Variants in ANKRD44 observed in about 807,000 individuals in gnomAD.
The protein encoded by ANKRD44 is ankyrin repeat domain 44.
Under a neutral mutation model 116.0 loss-of-function variants are expected in ANKRD44, and 35 were observed. That is an observed-to-expected ratio of 0.30 (90% CI 0.23 to 0.40). The LOEUF (loss-of-function observed/expected upper bound fraction) is 0.40. ANKRD44 is among the 10% of genes least tolerant of loss of function. The pLI, the probability that ANKRD44 is intolerant of heterozygous loss-of-function variation, is 1.00. For synonymous variants in ANKRD44, 435 were observed against 461.8 expected (o/e 0.94, Z 0.74); for missense variants, 1,014 against 1,242.6 (o/e 0.82, Z 2.77).
At chr2:197,256,973 G>T (rs1224596333) in intron 1 of ANKRD44, among the ~76,000 whole-genome samples, 4 of 152,138 alleles carry the variant, frequency 2.6e-5, no homozygotes, top group Non-Finnish European at 4.4e-5. Context: ...GGTGCCTCAG[G>T]AGGTACAGAA....
chr2:197,256,068 T>C (rs1383642294), intron 1 of ANKRD44, among the ~76,000 whole-genome samples: 2 of 152,230 alleles, frequency 1.3e-5, no homozygotes, highest in African/African-American at 4.8e-5. Flanking sequence ...ATGTGGTTTG[T>C]GAGAAAATGT....
chr2:197,015,373 G>T, intron 17 of ANKRD44: 1 of 575,952 alleles, frequency 1.7e-6, no homozygotes, highest in South Asian at 1.7e-5. Flanking sequence ...AGGCAGATTG[G>T]AAAAAAAGAG....
chr2:197,100,063 T>C (rs571025283), intron 9 of ANKRD44, 133 bp from the exon 10 acceptor site: 16 of 779,572 alleles, frequency 2.1e-5, no homozygotes, highest in African/African-American at 5.3e-5. Flanking sequence ...TGCTCCGAAA[T>C]ACAAGAATGC....
intron 1 of ANKRD44, among the ~76,000 whole-genome samples, chr2:197,236,550 A>G (rs16863512): frequency 0.047 from 7,164 of 152,214 alleles, 560 homozygotes; most frequent in African/African-American, 0.16. Context: ...GCTCTGGTCT[A>G]TGGGGCCTAC....
intron 2 of ANKRD44, among the ~76,000 whole-genome samples, chr2:197,156,345 C>CAA (rs566571449): frequency 4.5e-4 from 56 of 125,396 alleles, no homozygotes; most frequent in African/African-American, 1.2e-3. Flanking sequence ...GACTCCGTCT[C>CAA]AAAAAAAAAA....
chr2:197,276,034 G>A (rs985722745), intron 1 of ANKRD44, among the ~76,000 whole-genome samples: 2 of 152,082 alleles, frequency 1.3e-5, no homozygotes, highest in Non-Finnish European at 2.9e-5. Flanking sequence ...CCAGCACTTT[G>A]GGAGGCCAAG....
At chr2:197,163,664 G>A (rs941560282) in intron 2 of ANKRD44, among the ~76,000 whole-genome samples, 1 of 152,064 alleles carries the variant, frequency 6.6e-6, no homozygotes, top group Admixed American at 6.5e-5. Context: ...GAGGACTGGG[G>A]AGCAGAAGGT....
At chr2:197,033,914 C>T (rs748158679) in intron 16 of ANKRD44, among the ~76,000 whole-genome samples, 4 of 152,072 alleles carry the variant, frequency 2.6e-5, no homozygotes, top group Non-Finnish European at 5.9e-5. Context: ...TTAAAACTGG[C>T]ATTTACAATT....
chr2:196,987,744 G>A lies in ANKRD44; in HGVS notation c.*1847C>T, dbSNP rs916627063. The A allele has an allele frequency of 2.0e-6, 2 of 985,236 alleles. No individual in the cohort carries two copies. The highest frequency in any genetic ancestry group is 1.2e-4 in the Admixed American group (2 of 16,258). 61.0% of individuals were successfully genotyped at this position (985,236 alleles called of 1,614,324 possible). On this transcript the variant is annotated 3_prime_UTR_variant, in exon 28 of 28. Transcript: ENST00000282272. Reference sequence around the variant, plus strand: ...CAGGCAGACACTGGCAAATAAGTAAGTGCAATGAAACATGATCCTTGTAGT... The same window carrying A: ...CAGGCAGACACTGGCAAATAAGTAAATGCAATGAAACATGATCCTTGTAGT...
chr2:197,278,533 T>G (rs1301239380), intron 1 of ANKRD44, among the ~76,000 whole-genome samples: 2 of 152,152 alleles, frequency 1.3e-5, no homozygotes, highest in Non-Finnish European at 2.9e-5. Context: ...ATTTTTGTAT[T>G]TTTAGTAGAG....
At chr2:197,052,155 G>C (rs1261203826) in intron 16 of ANKRD44, among the ~76,000 whole-genome samples, 1 of 152,072 alleles carries the variant, frequency 6.6e-6, no homozygotes, top group Admixed American at 6.5e-5. Flanking sequence ...AGGTTCCAGG[G>C]AATAGTGTAA....
At chr2:197,237,253 T>C (rs2081998509) in intron 1 of ANKRD44, among the ~76,000 whole-genome samples, 1 of 152,216 alleles carries the variant, frequency 6.6e-6, no homozygotes, top group Non-Finnish European at 1.5e-5. Context: ...ACTATATATG[T>C]TCAAAACAAA....
intron 3 of ANKRD44, among the ~76,000 whole-genome samples, chr2:197,144,635 T>C (rs570989433): frequency 3.3e-5 from 5 of 152,294 alleles, no homozygotes; most frequent in Admixed American, 6.5e-5. Context: ...CCATAGCACA[T>C]TGAACCAAAA....
intron 1 of ANKRD44, among the ~76,000 whole-genome samples, chr2:197,261,021 G>A (rs1436048464): frequency 6.6e-6 from 1 of 151,684 alleles, no homozygotes; most frequent in Admixed American, 6.6e-5. Flanking sequence ...CTCCCATTCT[G>A]TAGGTTGCCT....
At chr2:197,097,492 G>A (rs2078188331) in intron 10 of ANKRD44, among the ~76,000 whole-genome samples, 1 of 144,596 alleles carries the variant, frequency 6.9e-6, no homozygotes, top group Non-Finnish European at 1.5e-5. Context: ...ACAAAACTGA[G>A]AGGCTTATTT....
At chr2:197,184,360 G>A (rs1287797315) in intron 2 of ANKRD44, among the ~76,000 whole-genome samples, 1 of 152,110 alleles carries the variant, frequency 6.6e-6, no homozygotes, top group Non-Finnish European at 1.5e-5. Flanking sequence ...CTTCCATGGT[G>A]GCCGGGCGCA....
intron 22 of ANKRD44, among the ~76,000 whole-genome samples, chr2:197,001,016 C>T (rs985356966): frequency 3.9e-5 from 6 of 152,198 alleles, no homozygotes; most frequent in African/African-American, 9.6e-5. Context: ...CCAGCCTAGG[C>T]GACAGAGCGA....
intron 27 of ANKRD44, 107 bp from the exon 28 acceptor site, chr2:196,989,756 C>T (rs1049765812): frequency 1.1e-5 from 16 of 1,509,418 alleles, no homozygotes; most frequent in South Asian, 1.2e-5. Flanking sequence ...TCTGCTTTCA[C>T]TTTTTTTGTT....
At chr2:197,121,941 A>G (rs572124659) in intron 7 of ANKRD44, among the ~76,000 whole-genome samples, 1 of 152,244 alleles carries the variant, frequency 6.6e-6, no homozygotes, top group African/African-American at 2.4e-5. Flanking sequence ...TGGCAGAGGA[A>G]GTGGCTGCGG....
Sources: allele counts gnomAD v4.1 joint callset (sites outside exome capture counted in the v4.1 genomes callset), GRCh38; gene constraint gnomAD v4.1.1; transcripts MANE v1.5; gene names NCBI Gene and HGNC (gene_info 2026-07-23, HGNC 2026-07-21).